CFAP99: variants seen among roughly 807,000 people sequenced by gnomAD.
CFAP99 encodes cilia and flagella associated protein 99, also known as cilia- and flagella-associated protein 99.
CFAP99 carries 84 observed loss-of-function variants against 82.7 expected under a neutral mutation model. The observed-to-expected ratio is 1.02, with a 90% CI of 0.85 to 1.22. CFAP99 has a LOEUF of 1.22. Among genes scored for constraint, CFAP99 ranks in the 50% most tolerant of loss-of-function variants. The probability of loss-of-function intolerance (pLI) is 0.00; values close to 1 mark genes in which losing one functional copy is unlikely to be tolerated. For missense variants in CFAP99, 1,059 were observed against 983.5 expected, an observed-to-expected ratio of 1.08 and a Z score of -1.03; for synonymous variants, 456 against 429.5, an observed-to-expected ratio of 1.06 and a Z score of -0.76.
At chr4:2,452,482 G>A in intron 11 of CFAP99, 136 bp downstream of exon 11, 1 of 929,906 alleles carries the variant, frequency 1.1e-6, no homozygotes, top group South Asian at 1.6e-5. Context: ...TGTTGGTCCT[G>A]GCTCCTCTTC....
chr4:2,450,811 T>C, intron 8 of CFAP99, 136 bp from the exon 9 acceptor site: 1 of 687,578 alleles, frequency 1.5e-6, no homozygotes, highest in South Asian at 1.7e-5. Flanking sequence ...GTGGTAGGGA[T>C]GGGCAGCTGG....
At chr4:2,451,600 C>T (rs2108731225) in intron 10 of CFAP99, among the ~76,000 whole-genome samples, 1 of 152,252 alleles carries the variant, frequency 6.6e-6, no homozygotes, top group Non-Finnish European at 1.5e-5. Context: ...AGGCCCAACC[C>T]ACACCAAACC....
intron 2 of CFAP99, among the ~76,000 whole-genome samples, chr4:2,431,431 T>C (rs913137814): frequency 1.3e-5 from 2 of 151,960 alleles, no homozygotes; most frequent in Non-Finnish European, 2.9e-5. Flanking sequence ...AGAAATATGG[T>C]CTGTGCAGAT....
chr4:2,443,337 G>A (rs894331027), intron 5 of CFAP99, 95 bp downstream of exon 5: 3 of 727,770 alleles, frequency 4.1e-6, no homozygotes, highest in Non-Finnish European at 4.8e-6. Context: ...TCCCCTTCCT[G>A]CTCCCAGAAG....
chr4:2,457,188 C>T (rs1734456690), intron 11 of CFAP99, among the ~76,000 whole-genome samples: 2 of 152,050 alleles, frequency 1.3e-5, no homozygotes, highest in Admixed American at 6.6e-5. Flanking sequence ...AGCAATCCTC[C>T]CCCCTCAGCT....
intron 8 of CFAP99, 122 bp from the exon 9 acceptor site, chr4:2,450,825 G>A (rs1734282652): frequency 2.7e-6 from 2 of 741,470 alleles, no homozygotes; most frequent in East Asian, 2.7e-5. Flanking sequence ...CAGCTGGGGG[G>A]AGGATGAAGA....
At chr4:2,439,630 T>TG (rs1733991031) in intron 4 of CFAP99, among the ~76,000 whole-genome samples, 1 of 152,218 alleles carries the variant, frequency 6.6e-6, no homozygotes. Context: ...CACAGAAACG[T>TG]AAGTGATTCA....
chr4:2,449,626 T>C, intron 6 of CFAP99, 44 bp from the exon 7 acceptor site: 3 of 1,518,220 alleles, frequency 2.0e-6, no homozygotes, highest in Non-Finnish European at 2.7e-6. Flanking sequence ...CCCCTCCCAC[T>C]CGCAGCTGCT....
exon 9 of CFAP99, chr4:2,450,981 C>A: frequency 1.3e-6 from 2 of 1,536,022 alleles, no homozygotes; most frequent in South Asian, 2.4e-5. Flanking sequence ...CAGTTCCCAC[C>A]CCGAATCCGA....
At chr4:2,441,960 C>T (rs756968691) in intron 4 of CFAP99, among the ~76,000 whole-genome samples, 5 of 152,176 alleles carry the variant, frequency 3.3e-5, no homozygotes, top group Non-Finnish European at 7.4e-5. Flanking sequence ...CTGTAGGGGG[C>T]TGATGGCCCC....
intron 12 of CFAP99, 65 bp from the exon 13 acceptor site, chr4:2,459,042 G>A: frequency 6.9e-7 from 1 of 1,456,226 alleles, no homozygotes; most frequent in African/African-American, 1.4e-5. Context: ...TGGGGGAGGT[G>A]CCTTCCTGTC....
intron 10 of CFAP99, among the ~76,000 whole-genome samples, chr4:2,451,702 G>T (rs1734305160): frequency 1.4e-5 from 2 of 141,318 alleles, no homozygotes; most frequent in Admixed American, 7.5e-5. Context: ...ACCCCATGCG[G>T]TGTGGTCGTG....
At chr4:2,459,141 G>T (rs1158250475) in exon 13 of CFAP99, 5 of 1,533,570 alleles carry the variant, frequency 3.3e-6, no homozygotes, top group Non-Finnish European at 4.4e-6. Context: ...GGGGGCTGCT[G>T]CAGCGCAGGG....
chr4:2,429,379 A>G (rs1733751815), intron 2 of CFAP99: 1 of 152,216 alleles, frequency 6.6e-6, no homozygotes, highest in Non-Finnish European at 1.5e-5. Context: ...GTGGTAGATG[A>G]GACTAATATG....
Position 2,446,835 on chromosome 4 carries a change from GGATGATTGGATTGGTGAATGGATA to G in CFAP99, c.642+1532_642+1555del, listed in dbSNP as rs1432511909. On this transcript the variant is annotated intron_variant, in intron 6 of 14. Coordinates refer to ENST00000635017, the Ensembl canonical transcript of CFAP99. This position sits in a 1 kb window ranked among gnomAD's most constrained non-coding sequence, Gnocchi z 5.0. ...TGGATGAATGGATGGATGGATGGAT[GGATGATTGGATTGGTGAATGGATA>G]GATGGATGATTGGATGGAGGAATGA... 6.6e-6 allele frequency among the ~76,000 whole-genome samples: 1 copy of G among 151,706 alleles called. No homozygotes were observed. Among genetic ancestry groups the G allele is most frequent in the Non-Finnish European group, 1.5e-5 (1 of 67,866 alleles).
chr4:2,459,295 G>A, intron 13 of CFAP99, 37 bp downstream of exon 13: 1 of 1,490,184 alleles, frequency 6.7e-7, no homozygotes, highest in Middle Eastern at 1.7e-4. Flanking sequence ...ATGCCTCAGG[G>A]GCCTCCACGC....
intron 4 of CFAP99, among the ~76,000 whole-genome samples, chr4:2,442,262 G>GT (rs1401935500): frequency 1.3e-5 from 2 of 152,036 alleles, no homozygotes; most frequent in African/African-American, 4.8e-5. Context: ...CAGAAGGAAG[G>GT]TAAGTAGAGA....
intron 7 of CFAP99, 90 bp from the exon 8 acceptor site, chr4:2,449,844 G>C: frequency 2.0e-6 from 3 of 1,528,524 alleles, no homozygotes; most frequent in Non-Finnish European, 2.6e-6. Context: ...GAGGCAAGAG[G>C]GGGAGGCTGG....
intron 13 of CFAP99, among the ~76,000 whole-genome samples, 158 bp downstream of exon 13, chr4:2,459,416 C>T (rs576461452): frequency 1.7e-4 from 26 of 152,326 alleles, no homozygotes; most frequent in African/African-American, 2.9e-4. Flanking sequence ...CCATGTGCCG[C>T]GGGCCTGGGT....
Sources: allele counts gnomAD v4.1 joint callset (sites outside exome capture counted in the v4.1 genomes callset), GRCh38; gene constraint gnomAD v4.1.1; non-coding constraint Gnocchi (gnomAD v3.1); transcripts MANE v1.5; gene names NCBI Gene and HGNC (gene_info 2026-07-23, HGNC 2026-07-21).